Variants in SNX25 observed in about 807,000 individuals in gnomAD.
SNX25 encodes sorting nexin 25, also known as sorting nexin-25.
A neutral mutation model predicts 113.7 loss-of-function variants in SNX25; 62 were observed. The ratio of observed to expected loss-of-function variants is 0.55; its 90% CI spans 0.44 to 0.67. SNX25 has a LOEUF of 0.67. Ranked by LOEUF, SNX25 falls within the 30% of genes least tolerant of loss-of-function variation. SNX25 has a pLI of 0.00. For missense variants in SNX25, 1,014 were observed against 1,161.0 expected (o/e 0.87, Z 1.84); for synonymous variants, 421 against 436.2 (o/e 0.97, Z 0.43).
intron 3 of SNX25, among the ~76,000 whole-genome samples, chr4:185,263,750 T>C (rs865995863): frequency 3.9e-5 from 6 of 152,166 alleles, no homozygotes; most frequent in African/African-American, 1.4e-4. Flanking sequence ...CTAGAACATA[T>C]TAGAAAACGC....
At chr4:185,301,924 G>C (rs1205129388) in intron 6 of SNX25, among the ~76,000 whole-genome samples, 1 of 149,404 alleles carries the variant, frequency 6.7e-6, no homozygotes, top group Admixed American at 6.7e-5. Context: ...TTTTGAGATG[G>C]AGTCTTGCTC....
rs373840026 is a variant in SNX25 at position 185,266,982 on chromosome 4, A to G, written c.918A>G (p.Val306=). The G allele has an allele frequency of 3.1e-6, 5 of 1,612,376 alleles. No individual in the cohort carries two copies. In the African/African-American group the frequency reaches 4.0e-5, roughly 13 times the overall value. ...EILTTKVLKP[V]VELLSNPDYI... ...TTCTTCCTGTAGTCTTGAAGCCGGT[A>G]GTGGAGTTACTGAGTAATCCAGATT... The change falls in exon 5 of 19, where the codon GTA becomes GTG. Residue 306 remains valine (V), a synonymous_variant. Coordinates refer to ENST00000652585, the MANE Select transcript of SNX25 (RefSeq NM_001378034.2).
chr4:185,229,097 G>A (rs756009016), intron 1 of SNX25, among the ~76,000 whole-genome samples: 6 of 152,154 alleles, frequency 3.9e-5, no homozygotes, highest in Non-Finnish European at 8.8e-5. Context: ...GACTAGCAAC[G>A]CCCGCGGTGT....
intron 4 of SNX25, among the ~76,000 whole-genome samples, chr4:185,266,703 C>G (rs1294154028): frequency 6.6e-6 from 1 of 152,150 alleles, no homozygotes; most frequent in Non-Finnish European, 1.5e-5. Flanking sequence ...TTCCAAATGA[C>G]TTCCCTTCAT....
intron 6 of SNX25, among the ~76,000 whole-genome samples, chr4:185,296,604 G>A (rs1361216644): frequency 5.3e-5 from 8 of 151,836 alleles, no homozygotes; most frequent in Non-Finnish European, 1.0e-4. Flanking sequence ...AATTAATTCT[G>A]GGGAAAATAA....
intron 1 of SNX25, among the ~76,000 whole-genome samples, chr4:185,244,440 C>T (rs1041040787): frequency 6.6e-6 from 1 of 152,174 alleles, no homozygotes; most frequent in Non-Finnish European, 1.5e-5. Flanking sequence ...TTAAATATTA[C>T]CCCCAAAATT....
intron 1 of SNX25, among the ~76,000 whole-genome samples, chr4:185,240,837 C>T (rs1743796312): frequency 6.6e-6 from 1 of 150,624 alleles, no homozygotes; most frequent in South Asian, 2.1e-4. Context: ...CCTCACTTCT[C>T]AGACGGGGCG....
intron 1 of SNX25, among the ~76,000 whole-genome samples, chr4:185,211,236 A>C (rs1367144395): frequency 2.0e-5 from 3 of 152,154 alleles, no homozygotes; most frequent in Admixed American, 6.5e-5. Context: ...AACTACTCTG[A>C]GTGTGTTAGT....
intron 1 of SNX25, among the ~76,000 whole-genome samples, chr4:185,211,542 A>C (rs1440570027): frequency 6.6e-6 from 1 of 152,160 alleles, no homozygotes; most frequent in Admixed American, 6.5e-5. Context: ...AATATGTCTT[A>C]GTTCTTGAGT....
intron 7 of SNX25, among the ~76,000 whole-genome samples, chr4:185,315,670 G>A (rs1287106694): frequency 6.6e-6 from 1 of 152,092 alleles, no homozygotes; most frequent in Admixed American, 6.5e-5. Context: ...AAACGGAGAA[G>A]GGAACACTTC....
chr4:185,253,889 A>G (rs1746021943), intron 2 of SNX25, among the ~76,000 whole-genome samples: 1 of 152,266 alleles, frequency 6.6e-6, no homozygotes, highest in Admixed American at 6.5e-5. Context: ...TCATAACTTG[A>G]AAACAATCAT....
At chr4:185,337,676 C>T (rs781287219) in intron 10 of SNX25, among the ~76,000 whole-genome samples, 1 of 152,182 alleles carries the variant, frequency 6.6e-6, no homozygotes, top group Non-Finnish European at 1.5e-5. Flanking sequence ...TCATTAAACT[C>T]TCTACCACAA....
intron 15 of SNX25, among the ~76,000 whole-genome samples, chr4:185,356,898 T>C (rs193120204): frequency 1.6e-3 from 251 of 152,348 alleles, no homozygotes; most frequent in Admixed American, 3.7e-3. Context: ...CTTTGCCTTC[T>C]GTTGGTTTAT....
At chr4:185,377,204 T>A in the SNX25 span, 1 of 581,356 alleles carries the variant, frequency 1.7e-6, no homozygotes, top group South Asian at 2.0e-5. Flanking sequence ...TCACAGGCCC[T>A]AACACTGTGC....
At chr4:185,229,228 C>A (rs922082975) in intron 1 of SNX25, among the ~76,000 whole-genome samples, 1 of 152,170 alleles carries the variant, frequency 6.6e-6, no homozygotes, top group Non-Finnish European at 1.5e-5. Context: ...GAGCTGCCCA[C>A]ACCTCATCAA....
In SNX25 at chr4:185,339,270, G is replaced by C. The variant is rs138159761; in HGVS notation, c.1915-109G>C. 1.9e-3 allele frequency: 1,879 copies of C among 986,880 alleles called. 5 individuals carry two copies. The highest frequency in any genetic ancestry group is 3.0e-3 in the Middle Eastern group (13 of 4,358). The allele number at this position is 986,880 out of a possible 1,614,324, so 61.1% of individuals were successfully genotyped here. A position where few individuals can be genotyped will look rare whatever the true frequency, so the allele number is the denominator to read the frequency against. ...TGTTTTTGGATTATTCACTGTTAGT[G>C]TATCGAAACACAGCTGATTATTGTG... On this transcript the variant is annotated intron_variant, in intron 10 of 18. Transcript: ENST00000652585.
At chr4:185,216,583 A>T (rs1194516890) in intron 1 of SNX25, among the ~76,000 whole-genome samples, 2 of 146,342 alleles carry the variant, frequency 1.4e-5, no homozygotes, top group African/African-American at 5.1e-5. Context: ...GCAGTGGCAC[A>T]ATCTCAGCTC....
intron 5 of SNX25, among the ~76,000 whole-genome samples, chr4:185,279,232 G>GGCT (rs1420205659): frequency 6.6e-6 from 1 of 151,976 alleles, no homozygotes; most frequent in African/African-American, 2.4e-5. Context: ...CCTCACCCTG[G>GGCT]GCTGCTCCGG....
At chr4:185,301,812 C>G (rs1398313770) in intron 6 of SNX25, among the ~76,000 whole-genome samples, 2 of 152,178 alleles carry the variant, frequency 1.3e-5, no homozygotes, top group Admixed American at 1.3e-4. Context: ...GTCTCGAACT[C>G]CTGACCTCAA....
Sources: gnomAD v4.1 joint callset for allele counts (sites outside exome capture counted in the v4.1 genomes callset) on GRCh38, gnomAD v4.1.1 for gene constraint, MANE v1.5 for transcripts, NCBI Gene and HGNC (gene_info 2026-07-23, HGNC 2026-07-21) for gene names.